Variants in COMMD5 observed in about 807,000 individuals in gnomAD.
COMMD5 encodes COMM domain containing 5.
Under a neutral mutation model 6.9 loss-of-function variants are expected in COMMD5, and 10 were observed. That is an observed-to-expected ratio of 1.44 (90% confidence interval 0.89 to 2.45). COMMD5 has a LOEUF of 2.45. Ranked by LOEUF, COMMD5 falls within the 30% of genes most tolerant of loss-of-function variation. The pLI, the probability that COMMD5 is intolerant of heterozygous loss-of-function variation, is 0.00. For missense variants in COMMD5, 234 were observed against 287.8 expected (o/e 0.81, Z 1.35); for synonymous variants, 127 against 125.3 (o/e 1.01, Z -0.09).
chr8:144,844,727 A>AAC (rs1563850660), intron 1 of COMMD5, among the ~76,000 whole-genome samples: 4 of 114,844 alleles, frequency 3.5e-5, no homozygotes, highest in African/African-American at 1.3e-4. Context: ...AAAAAAAAAA[A>AAC]AAAAAAAAAC....
At position 144,843,444 on chromosome 8, in the gene COMMD5, T is replaced by C. The variant is rs112701277; in HGVS notation, c.*117-1701A>G. On this transcript the variant is annotated intron_variant and NMD_transcript_variant, in intron 1 of 1. Transcript: ENST00000530332. Reference sequence around the variant, plus strand: ...TCTACTAAAAATACAAAAATTTAGCTGGGCGTGGTGGCAGGCACCTGTGGT... The same window carrying C: ...TCTACTAAAAATACAAAAATTTAGCCGGGCGTGGTGGCAGGCACCTGTGGT... 2,608 of 262,186 alleles carry C rather than the reference T, an allele frequency of 9.9e-3. 24 individuals carry two copies. The highest frequency in any genetic ancestry group is 0.013 in the Non-Finnish European group (1,856 of 139,252). The allele number at this position is 262,186 out of a possible 1,614,324, so 16.2% of individuals were successfully genotyped here.
At chr8:144,840,491 G>T (rs2130682117), downstream of COMMD5, among the ~76,000 whole-genome samples, 1 of 152,340 alleles carries the variant, frequency 6.6e-6, no homozygotes, top group African/African-American at 2.4e-5. Context: ...TCGTGGTGGG[G>T]ACCGTGGTTG....
At chr8:144,841,121 C>G (rs969749755) in exon 2 of COMMD5, 1 of 518,600 alleles carries the variant, frequency 1.9e-6, no homozygotes, top group African/African-American at 1.9e-5. Flanking sequence ...AGAACCCAGC[C>G]CTGCCCCAGC....
downstream of COMMD5, among the ~76,000 whole-genome samples, chr8:144,840,551 C>G (rs1482056446): frequency 6.6e-6 from 1 of 152,180 alleles, no homozygotes; most frequent in African/African-American, 2.4e-5. Context: ...GGTTTGATCA[C>G]AGACATCAAG....
chr8:144,848,966 G>A (rs1184492843), downstream of COMMD5, among the ~76,000 whole-genome samples: 1 of 152,158 alleles, frequency 6.6e-6, no homozygotes, highest in Non-Finnish European at 1.5e-5. Context: ...CAAGCCCAAG[G>A]GTTCACAGAT....
intron 1 of COMMD5, chr8:144,843,524 CT>C (rs1335413707): frequency 6.4e-6 from 1 of 156,166 alleles, no homozygotes; most frequent in Non-Finnish European, 1.3e-5. Context: ...GGAGGCGGAG[CT>C]TGCAGTGAGC....
In COMMD5 at chr8:144,841,273, G is replaced by A. The variant is rs545559451; in HGVS notation, c.*587C>T. On this transcript the variant is annotated 3_prime_UTR_variant and NMD_transcript_variant, in exon 2 of 2. Coordinates refer to the COMMD5 transcript ENST00000530332. ...TCAGTGCAACTATCCTGGGAGCCTT[G>A]AGCCCTGGCCCCCGCATTTGTAGTC... 2.5e-5 allele frequency: 36 copies of A among 1,426,694 alleles called. No homozygotes were observed. The South Asian group carries it at 4.1e-4, about 16-fold the overall frequency. 88.4% of individuals were successfully genotyped at this position (1,426,694 alleles called of 1,614,324 possible).
At chr8:144,843,925 A>G (rs931130230) in intron 1 of COMMD5, among the ~76,000 whole-genome samples, 1 of 152,120 alleles carries the variant, frequency 6.6e-6, no homozygotes, top group Non-Finnish European at 1.5e-5. Context: ...CTTGTCTTAG[A>G]ACTTAACCCA....
At chr8:144,843,900 A>G (rs1830324535) in intron 1 of COMMD5, 2 of 152,208 alleles carry the variant, frequency 1.3e-5, no homozygotes, top group Non-Finnish European at 2.9e-5. Flanking sequence ...TAGAATTCCA[A>G]CTTCAAATTA....
Position 144,850,583 on chromosome 8 carries a change from G to C in COMMD5, c.*81C>G. 6.8e-7 allele frequency: 1 copy of C among 1,465,960 alleles called. No individual in the cohort carries two copies. Among genetic ancestry groups the C allele is most frequent in the Non-Finnish European group, 9.3e-7 (1 of 1,077,366 alleles). 90.8% of individuals were successfully genotyped at this position (1,465,960 alleles called of 1,614,324 possible). ...GCCTCATGGGAAGGGCAGGGCTGTC[G>C]TGGGAAGAGTCAGCTGCACTTTGGC... is the stretch of plus-strand genomic sequence containing the variant. On this transcript the variant is annotated 3_prime_UTR_variant, in exon 2 of 2. Transcript: ENST00000305103. This position sits in a 1 kb window ranked among gnomAD's most constrained non-coding sequence, Gnocchi z 4.0.
At chr8:144,839,835 A>AC (rs1829631173), downstream of COMMD5, among the ~76,000 whole-genome samples, 1 of 152,080 alleles carries the variant, frequency 6.6e-6, no homozygotes, top group African/African-American at 2.4e-5. Context: ...CCAGCTGTGC[A>AC]CCCCCACGCT....
downstream of COMMD5, chr8:144,838,128 T>G: frequency 1.4e-6 from 1 of 702,988 alleles, no homozygotes; most frequent in African/African-American, 1.7e-5. Context: ...CTGGCAGTCC[T>G]TGGGTTCCTT....
upstream of COMMD5, chr8:144,853,511 AGAGCTGCCC>A (rs1261776034): frequency 3.9e-5 from 6 of 152,078 alleles, no homozygotes; most frequent in African/African-American, 1.5e-4. Context: ...CAGGGTTTTG[AGAGCTGCCC>A]CGTTTCCCCT....
intron 1 of COMMD5, among the ~76,000 whole-genome samples, chr8:144,844,707 A>C (rs2130748653): frequency 7.5e-6 from 1 of 134,064 alleles, no homozygotes; most frequent in Non-Finnish European, 1.6e-5. Context: ...GTGACTCTGT[A>C]TCAAAAAAAA....
At chr8:144,842,041 G>C in intron 1 of COMMD5, 1 of 1,614,144 alleles carries the variant, frequency 6.2e-7, no homozygotes, top group African/African-American at 1.3e-5. Context: ...TGAGGAATGT[G>C]GAAAAGCTTT....
At chr8:144,841,380 G>C in exon 2 of COMMD5, 1 of 1,607,568 alleles carries the variant, frequency 6.2e-7, no homozygotes, top group Non-Finnish European at 8.5e-7. Flanking sequence ...CTGAAAATGA[G>C]CAGGCCTGTG....
At chr8:144,844,220 C>T (rs556864517) in intron 1 of COMMD5, among the ~76,000 whole-genome samples, 1 of 152,266 alleles carries the variant, frequency 6.6e-6, no homozygotes, top group South Asian at 2.1e-4. Context: ...TGTAGAGAAA[C>T]ATGCCTTACT....
chr8:144,843,332 G>A (rs1384491419), intron 1 of COMMD5: 3 of 842,728 alleles, frequency 3.6e-6, no homozygotes, highest in Non-Finnish European at 5.2e-6. Context: ...GCTTATGCCT[G>A]TCATCCCAGC....
intron 1 of COMMD5, chr8:144,843,271 A>ACCC (rs1830213043): frequency 1.5e-6 from 2 of 1,360,722 alleles, no homozygotes; most frequent in Non-Finnish European, 2.0e-6. Flanking sequence ...GAATGTTGGT[A>ACCC]AAGGTTCAGA....
Sources: allele counts gnomAD v4.1 joint callset (sites outside exome capture counted in the v4.1 genomes callset), GRCh38; gene constraint gnomAD v4.1.1; non-coding constraint Gnocchi (gnomAD v3.1); transcripts MANE v1.5; gene names NCBI Gene and HGNC (gene_info 2026-07-23, HGNC 2026-07-21).